Variants in LRRC7 observed in about 807,000 individuals in gnomAD.
LRRC7 encodes leucine-rich repeat-containing protein 7.
In LRRC7, 23 loss-of-function variants were observed where a neutral mutation model predicts 175.7. The observed-to-expected ratio is 0.13, with a 90% CI of 0.09 to 0.19. The LOEUF (loss-of-function observed/expected upper bound fraction) is 0.19, where lower values mean the gene tolerates loss of function less well. LRRC7 is among the 10% of genes least tolerant of loss of function. LRRC7 has a pLI of 1.00. For synonymous variants in LRRC7, 685 were observed against 680.9 expected, an observed-to-expected ratio of 1.01 and a Z score of -0.09; for missense variants, 1,354 against 1,904.7, an observed-to-expected ratio of 0.71 and a Z score of 5.38.
intron 23 of LRRC7, among the ~76,000 whole-genome samples, chr1:70,070,247 G>A (rs570538542): frequency 4.6e-5 from 7 of 152,114 alleles, no homozygotes; most frequent in East Asian, 1.9e-4. Flanking sequence ...CACCTGCCTC[G>A]GCTTCCCAAA....
At chr1:69,699,832 G>A (rs1740902) in intron 2 of LRRC7, among the ~76,000 whole-genome samples, 12 of 151,942 alleles carry the variant, frequency 7.9e-5, no homozygotes, top group Middle Eastern at 6.8e-3. Flanking sequence ...GGGTAGCCTC[G>A]CATAACCCAC....
chr1:69,814,959 G>GT lies in LRRC7; in HGVS notation c.422-10781dup, dbSNP rs971301053. ...ATTTTATTGCTTAGCTTTTTGTGAG[G>GT]TTTTTTTTATCAGTCCAACCCAGAA... is the stretch of plus-strand genomic sequence containing the variant. On this transcript the variant is annotated intron_variant, in intron 4 of 26. Coordinates refer to ENST00000651989, the MANE Select transcript of LRRC7 (RefSeq NM_001370785.2). 5.9e-5 allele frequency among the ~76,000 whole-genome samples: 9 copies of GT among 151,934 alleles called. 1 individual carries two copies. The highest frequency in any genetic ancestry group is 2.1e-4 in the South Asian group (1 of 4,808).
intron 1 of LRRC7, among the ~76,000 whole-genome samples, chr1:69,671,802 C>T (rs914406549): frequency 1.3e-5 from 2 of 152,030 alleles, no homozygotes; most frequent in East Asian, 1.9e-4. Flanking sequence ...GAGTTCAATG[C>T]GATGTGTCAT....
At chr1:69,775,586 T>C (rs1003816858) in intron 3 of LRRC7, among the ~76,000 whole-genome samples, 4 of 152,234 alleles carry the variant, frequency 2.6e-5, no homozygotes, top group Admixed American at 6.5e-5. Flanking sequence ...TGCATAGAAC[T>C]GACTTCTAGT....
intron 7 of LRRC7, among the ~76,000 whole-genome samples, chr1:69,893,393 A>G (rs1166389767): frequency 4.6e-5 from 7 of 152,232 alleles, no homozygotes; most frequent in Admixed American, 1.3e-4. Context: ...TGAACTACGC[A>G]TTAACCTCGT....
chr1:70,059,522 T>C (rs1364501466), intron 23 of LRRC7, among the ~76,000 whole-genome samples: 3 of 148,254 alleles, frequency 2.0e-5, no homozygotes, highest in Non-Finnish European at 4.5e-5. Context: ...TGTGTGGTCA[T>C]TTTCAAGTTC....
intron 23 of LRRC7, among the ~76,000 whole-genome samples, chr1:70,055,474 G>A (rs1047061742): frequency 1.3e-5 from 2 of 152,098 alleles, no homozygotes; most frequent in African/African-American, 4.8e-5. Context: ...AACAATGGGT[G>A]GTGGAAAGAT....
At position 69,677,989 on chromosome 1, in the gene LRRC7, C is replaced by T. The variant is rs866632506; in HGVS notation, c.3-392C>T. On this transcript the variant is annotated intron_variant, in intron 1 of 26. Transcript: ENST00000651989. ...TTCTCTCTCTCTCTTCCTATAAAGA[C>T]ACTAATCCCATCATGGACGTTCCAT... 8.6e-5 allele frequency among the ~76,000 whole-genome samples: 13 copies of T among 151,986 alleles called. No individual in the cohort carries two copies. In the South Asian group the frequency reaches 1.9e-3, roughly 22 times the overall value.
chr1:69,808,127 T>A lies in LRRC7; in HGVS notation c.421+15967T>A, dbSNP rs192032149. Among the ~76,000 whole-genome samples the A allele has an allele frequency of 3.2e-3, 479 of 151,876 alleles. 1 individual carries two copies. Among genetic ancestry groups the A allele is most frequent in the African/African-American group, 0.011 (461 of 41,468 alleles). On this transcript the variant is annotated intron_variant, in intron 4 of 26. Coordinates refer to ENST00000651989, the MANE Select transcript of LRRC7 (RefSeq NM_001370785.2). ...TTGTGTATGCTTCACAGAGTTCTCA[T>A]GCTGTGTTTTTAAGCTCCATCAGGT... is the stretch of plus-strand genomic sequence containing the variant.
chr1:69,676,493 G>T (rs1659788585), intron 1 of LRRC7, among the ~76,000 whole-genome samples: 1 of 152,052 alleles, frequency 6.6e-6, no homozygotes, highest in African/African-American at 2.4e-5. Context: ...TAGTGTTATA[G>T]AAGTTAGTAA....
chr1:69,859,406 G>T (rs754907299), intron 7 of LRRC7, among the ~76,000 whole-genome samples: 6 of 151,928 alleles, frequency 3.9e-5, no homozygotes, highest in Non-Finnish European at 8.8e-5. Context: ...TATATAGAAG[G>T]CTTACTATAT....
intron 4 of LRRC7, among the ~76,000 whole-genome samples, chr1:69,818,039 A>G (rs1678804737): frequency 6.6e-6 from 1 of 152,124 alleles, no homozygotes; most frequent in African/African-American, 2.4e-5. Context: ...TTTTCTATAT[A>G]TAAGATGCTG....
chr1:69,582,088 G>C (rs968006791), intron 1 of LRRC7, among the ~76,000 whole-genome samples: 1 of 152,058 alleles, frequency 6.6e-6, no homozygotes, highest in Non-Finnish European at 1.5e-5. Context: ...TTTTTTCACT[G>C]CTGAGTTCTG....
intron 8 of LRRC7, among the ~76,000 whole-genome samples, chr1:69,964,336 C>T (rs979637575): frequency 4.6e-5 from 7 of 152,140 alleles, no homozygotes; most frequent in African/African-American, 1.2e-4. Flanking sequence ...TCACCTATTA[C>T]GTATGAGGAA....
intron 11 of LRRC7, among the ~76,000 whole-genome samples, chr1:69,997,092 T>C (rs1164575380): frequency 6.6e-6 from 1 of 152,298 alleles, no homozygotes; most frequent in Non-Finnish European, 1.5e-5. Flanking sequence ...TGGTTTGTAG[T>C]TCTCCTTGAA....
At chr1:69,637,429 A>G (rs1653564030) in intron 1 of LRRC7, among the ~76,000 whole-genome samples, 1 of 151,956 alleles carries the variant, frequency 6.6e-6, no homozygotes, top group East Asian at 1.9e-4. Context: ...AAAAAAGAGT[A>G]GCAATACAAG....
chr1:70,039,583 C>T lies in LRRC7; in HGVS notation c.3759C>T (p.Thr1253=), dbSNP rs1376433318. 6.2e-7 allele frequency: 1 copy of T among 1,614,084 alleles called. No homozygotes were observed. The highest frequency in any genetic ancestry group is 8.5e-7 in the Non-Finnish European group (1 of 1,180,006). ...CAGAGAGTTACGGTGCCTCCCAAAC[C>T]AGGCCAGTTTCAGCTAGGCCTACTA... ...YSTESYGASQ[T]RPVSARPTMA... is the part of the protein sequence containing the mutation. The change falls in exon 21 of 27, where the codon ACC becomes ACT. Residue 1253 remains threonine (T), a synonymous_variant. Coordinates refer to ENST00000651989, the MANE Select transcript of LRRC7 (RefSeq NM_001370785.2).
chr1:69,913,781 G>T (rs895257691), intron 7 of LRRC7, among the ~76,000 whole-genome samples: 1 of 152,118 alleles, frequency 6.6e-6, no homozygotes, highest in South Asian at 2.1e-4. Flanking sequence ...CCAAAGTGCT[G>T]GGATTACTGA....
intron 1 of LRRC7, among the ~76,000 whole-genome samples, chr1:69,596,564 T>G (rs1646854632): frequency 6.6e-6 from 1 of 152,222 alleles, no homozygotes; most frequent in African/African-American, 2.4e-5. Flanking sequence ...GTTTTATAAC[T>G]AAATTGTGGT....
Sources: gnomAD v4.1 joint callset for allele counts (sites outside exome capture counted in the v4.1 genomes callset) on GRCh38, gnomAD v4.1.1 for gene constraint, MANE v1.5 for transcripts, NCBI Gene and HGNC (gene_info 2026-07-23, HGNC 2026-07-21) for gene names.